The following ATP8B1 variants were observed in gnomAD, a reference collection of about 807,000 sequenced individuals.
ATP8B1 encodes the protein ATPase phospholipid transporting 8B1.
In ATP8B1, 80 loss-of-function variants were observed where a neutral mutation model predicts 149.9. The ratio of observed to expected loss-of-function variants is 0.53; its 90% CI spans 0.45 to 0.64. The LOEUF is 0.64. Ranked by LOEUF, ATP8B1 falls within the 30% of genes least tolerant of loss-of-function variation. The pLI, the probability that ATP8B1 is intolerant of heterozygous loss-of-function variation, is 0.00. For synonymous variants in ATP8B1, 536 were observed against 562.8 expected (o/e 0.95, Z 0.67); for missense variants, 1,247 against 1,552.6 (o/e 0.80, Z 3.31).
chr18:57,685,006 G>C, intron 14 of ATP8B1, 66 bp downstream of exon 14: 1 of 1,577,160 alleles, frequency 6.3e-7, no homozygotes. Flanking sequence ...TTCAAAGGAA[G>C]CATGGCCCTG....
chr18:57,676,273 C>T (rs1240201275), intron 15 of ATP8B1, among the ~76,000 whole-genome samples: 1 of 152,050 alleles, frequency 6.6e-6, no homozygotes, highest in Non-Finnish European at 1.5e-5. Context: ...GTGATCCTCC[C>T]ACCTCAGCTT....
chr18:57,725,833 G>C (rs1177352701), intron 2 of ATP8B1, among the ~76,000 whole-genome samples: 2 of 152,206 alleles, frequency 1.3e-5, no homozygotes, highest in Non-Finnish European at 2.9e-5. Flanking sequence ...TTTATATGTA[G>C]ATGAATGAAA....
intron 4 of ATP8B1, among the ~76,000 whole-genome samples, chr18:57,703,336 G>C (rs2122953202): frequency 6.6e-6 from 1 of 152,260 alleles, no homozygotes; most frequent in East Asian, 1.9e-4. Context: ...TGGGGAGGCT[G>C]AGGCGGGTGG....
At chr18:57,701,556 T>C (rs942101782) in intron 4 of ATP8B1, among the ~76,000 whole-genome samples, 7 of 152,144 alleles carry the variant, frequency 4.6e-5, no homozygotes, top group African/African-American at 1.7e-4. Flanking sequence ...AATTATCTCA[T>C]TGCAAACTTA....
intron 1 of ATP8B1, among the ~76,000 whole-genome samples, chr18:57,800,270 G>A (rs999754544): frequency 5.3e-5 from 8 of 152,116 alleles, no homozygotes; most frequent in Admixed American, 5.2e-4. Context: ...CAAGGCAGGA[G>A]GATTGCTTGA....
At chr18:57,692,637 G>A (rs1912600329) in intron 11 of ATP8B1, among the ~76,000 whole-genome samples, 2 of 151,904 alleles carry the variant, frequency 1.3e-5, no homozygotes, top group Admixed American at 6.6e-5. Context: ...GTTTCACCAT[G>A]TTGGCCAGGC....
chr18:57,680,057 C>T (rs1911850798), intron 15 of ATP8B1, among the ~76,000 whole-genome samples: 2 of 150,304 alleles, frequency 1.3e-5, no homozygotes, highest in Non-Finnish European at 3.0e-5. Context: ...GGGTGGATCA[C>T]CTGAGGTTAG....
At chr18:57,686,879 T>C (rs1024589935) in intron 13 of ATP8B1, among the ~76,000 whole-genome samples, 4 of 152,178 alleles carry the variant, frequency 2.6e-5, no homozygotes, top group Non-Finnish European at 5.9e-5. Context: ...GGTCTTGCTC[T>C]GTTAGCCATG....
At chr18:57,753,948 A>G (rs1054620644) in intron 1 of ATP8B1, among the ~76,000 whole-genome samples, 2 of 80,490 alleles carry the variant, frequency 2.5e-5, no homozygotes, top group Non-Finnish European at 4.5e-5. Context: ...AAAAAAAAAA[A>G]GAAAGAAAGA....
At chr18:57,700,878 C>T (rs2122935212) in intron 6 of ATP8B1, among the ~76,000 whole-genome samples, 161 bp downstream of exon 6, 1 of 152,288 alleles carries the variant, frequency 6.6e-6, no homozygotes. Context: ...GATAACGCTA[C>T]TGCACTCCAG....
At chr18:57,713,177 TTCTTTCTTTC>T (rs1229549642) in intron 2 of ATP8B1, among the ~76,000 whole-genome samples, 4 of 71,680 alleles carry the variant, frequency 5.6e-5, no homozygotes, top group African/African-American at 2.2e-4. Context: ...CTTTCTTTCT[TTCTTTCTTTC>T]TTTCTTTCTT....
At chr18:57,725,174 C>T (rs1445509835) in intron 2 of ATP8B1, among the ~76,000 whole-genome samples, 2 of 124,246 alleles carry the variant, frequency 1.6e-5, no homozygotes, top group South Asian at 2.9e-4. Flanking sequence ...GTGGGTGCAG[C>T]GCACCAGCAT....
At chr18:57,674,254 A>AAAG (rs1555690395) in intron 16 of ATP8B1, among the ~76,000 whole-genome samples, 2,440 of 145,142 alleles carry the variant, frequency 0.017, 35 homozygotes, top group South Asian at 0.025. Flanking sequence ...AAAAAAAAAA[A>AAAG]AAAAGAAAAG....
intron 13 of ATP8B1, among the ~76,000 whole-genome samples, chr18:57,687,491 A>C (rs1343711060): frequency 6.6e-6 from 1 of 152,192 alleles, no homozygotes; most frequent in Non-Finnish European, 1.5e-5. Context: ...AATTCAAAAA[A>C]TTGCAACCTC....
At chr18:57,686,964 C>G (rs902255959) in intron 13 of ATP8B1, among the ~76,000 whole-genome samples, 4 of 152,196 alleles carry the variant, frequency 2.6e-5, no homozygotes, top group Non-Finnish European at 5.9e-5. Context: ...CTGCCTCAGT[C>G]TCCCAAGTAG....
chr18:57,757,866 C>T (rs189710235), intron 1 of ATP8B1, among the ~76,000 whole-genome samples: 46 of 152,296 alleles, frequency 3.0e-4, no homozygotes, highest in Admixed American at 2.9e-3. Context: ...ATACTGTGTT[C>T]GTAGCTCCCT....
chr18:57,663,037 C>A (rs1361356410), intron 20 of ATP8B1, among the ~76,000 whole-genome samples: 1 of 152,150 alleles, frequency 6.6e-6, no homozygotes, highest in African/African-American at 2.4e-5. Flanking sequence ...ATCTCTAGAA[C>A]TTTTTCATCT....
intron 1 of ATP8B1, among the ~76,000 whole-genome samples, chr18:57,759,416 G>A (rs1436989436): frequency 1.3e-5 from 2 of 152,090 alleles, no homozygotes; most frequent in African/African-American, 2.4e-5. Flanking sequence ...TCCAATAGCA[G>A]CAACCAAGTA....
At chr18:57,717,787 G>A (rs2079598253) in intron 2 of ATP8B1, among the ~76,000 whole-genome samples, 1 of 151,174 alleles carries the variant, frequency 6.6e-6, no homozygotes, top group Non-Finnish European at 1.5e-5. Context: ...CCAGGCTGGA[G>A]TGCAGTGGTG....
Sources: allele counts gnomAD v4.1 joint callset (sites outside exome capture counted in the v4.1 genomes callset), GRCh38; gene constraint gnomAD v4.1.1; transcripts MANE v1.5; gene names NCBI Gene and HGNC (gene_info 2026-07-23, HGNC 2026-07-21).